CCSER1: variants seen among roughly 807,000 people sequenced by gnomAD.
CCSER1 encodes the protein coiled-coil serine rich protein 1.
In CCSER1, 41 loss-of-function variants were observed where a neutral mutation model predicts 82.0. That is an observed-to-expected ratio of 0.50 (90% CI 0.39 to 0.65). The LOEUF is 0.65. CCSER1 is among the 30% of genes least tolerant of loss of function. CCSER1 has a pLI of 0.00. For synonymous variants in CCSER1, 414 were observed against 383.9 expected, an observed-to-expected ratio of 1.08 and a Z score of -0.92; for missense variants, 1,119 against 1,064.2, an observed-to-expected ratio of 1.05 and a Z score of -0.72.
Position 90,937,252 on chromosome 4 carries a change from G to A in CCSER1, c.2172+13805G>A, listed in dbSNP as rs35908256. 1.6e-4 allele frequency among the ~76,000 whole-genome samples: 25 copies of A among 152,150 alleles called. 1 individual carries two copies. Among genetic ancestry groups the A allele is most frequent in the Admixed American group, 5.2e-4 (8 of 15,254 alleles). On this transcript the variant is annotated intron_variant, in intron 9 of 10. Coordinates refer to ENST00000509176, the MANE Select transcript of CCSER1 (RefSeq NM_001145065.2). ...CAATGTTGCATTTGAGCTGGAACTC[G>A]AGTGATGGGTCACTGTTCACAGAAC...
intron 8 of CCSER1, among the ~76,000 whole-genome samples, chr4:90,913,300 A>G (rs1372492846): frequency 6.6e-6 from 1 of 152,248 alleles, no homozygotes; most frequent in Non-Finnish European, 1.5e-5. Context: ...CTCTCAGCAG[A>G]CACTCTGCAA....
chr4:90,332,594 C>T (rs1739517757), intron 3 of CCSER1, among the ~76,000 whole-genome samples: 1 of 152,096 alleles, frequency 6.6e-6, no homozygotes, highest in Admixed American at 6.6e-5. Flanking sequence ...AAGTAAAGAA[C>T]TCTCATAGGA....
chr4:91,136,253 G>C (rs190633947), intron 10 of CCSER1, among the ~76,000 whole-genome samples: 1 of 152,092 alleles, frequency 6.6e-6, no homozygotes, highest in African/African-American at 2.4e-5. Context: ...TCATACATTT[G>C]CCAGTGTTTT....
chr4:91,188,090 ATATT>A, intron 10 of CCSER1, among the ~76,000 whole-genome samples: 1 of 152,090 alleles, frequency 6.6e-6, no homozygotes, highest in African/African-American at 2.4e-5. Flanking sequence ...ATTATAAATA[ATATT>A]TATAAAAATT....
intron 10 of CCSER1, among the ~76,000 whole-genome samples, chr4:91,562,091 C>T (rs1293148600): frequency 2.0e-5 from 3 of 151,502 alleles, no homozygotes; most frequent in African/African-American, 2.4e-5. Context: ...ATGTGTCAGA[C>T]ATCTAGAAAA....
chr4:91,340,504 T>C (rs1034452461), intron 10 of CCSER1, among the ~76,000 whole-genome samples: 8 of 152,220 alleles, frequency 5.3e-5, no homozygotes, highest in African/African-American at 1.4e-4. Context: ...TGTATGACTA[T>C]TTTGATTTAT....
At chr4:90,439,884 C>G (rs1159634243) in intron 4 of CCSER1, among the ~76,000 whole-genome samples, 1 of 152,136 alleles carries the variant, frequency 6.6e-6, no homozygotes, top group African/African-American at 2.4e-5. Context: ...TTATGTCACC[C>G]TCAAGATCTT....
At chr4:91,249,223 A>G (rs1432804647) in intron 10 of CCSER1, among the ~76,000 whole-genome samples, 1 of 152,108 alleles carries the variant, frequency 6.6e-6, no homozygotes, top group Non-Finnish European at 1.5e-5. Context: ...ATTTTAAGCC[A>G]TTTCTATGTT....
chr4:90,485,111 G>A (rs1264153150), intron 5 of CCSER1, among the ~76,000 whole-genome samples: 1 of 152,214 alleles, frequency 6.6e-6, no homozygotes, highest in Non-Finnish European at 1.5e-5. Context: ...CCACCTTGCA[G>A]TTTGATCTCA....
intron 10 of CCSER1, among the ~76,000 whole-genome samples, chr4:91,313,064 A>G (rs1016957642): frequency 1.3e-5 from 2 of 151,888 alleles, no homozygotes; most frequent in Non-Finnish European, 1.5e-5. Context: ...TTGTTCCATG[A>G]CATTCAAAGA....
At chr4:91,257,358 A>T (rs1028305264) in intron 10 of CCSER1, among the ~76,000 whole-genome samples, 1 of 151,768 alleles carries the variant, frequency 6.6e-6, no homozygotes, top group Admixed American at 6.6e-5. Context: ...ATTAATCCTA[A>T]TTTTTTTTAA....
chr4:91,518,456 C>A (rs1427372269), intron 10 of CCSER1, among the ~76,000 whole-genome samples: 2 of 152,054 alleles, frequency 1.3e-5, no homozygotes, highest in Admixed American at 1.3e-4. Context: ...CTTCTATAGT[C>A]CAAGGGAAGC....
intron 5 of CCSER1, among the ~76,000 whole-genome samples, chr4:90,606,765 T>G (rs971774053): frequency 4.6e-5 from 7 of 152,306 alleles, no homozygotes; most frequent in Middle Eastern, 3.4e-3. Flanking sequence ...ATCAGTGGTA[T>G]ATATACTGTT....
intron 1 of CCSER1, among the ~76,000 whole-genome samples, chr4:90,179,355 C>T (rs998440598): frequency 2.6e-5 from 4 of 152,082 alleles, no homozygotes; most frequent in African/African-American, 9.7e-5. Flanking sequence ...CCTCATGTCT[C>T]CAACATGTGC....
chr4:90,498,400 AAAGAT>A (rs1252293802), intron 5 of CCSER1, among the ~76,000 whole-genome samples: 2 of 152,192 alleles, frequency 1.3e-5, no homozygotes, highest in Non-Finnish European at 2.9e-5. Context: ...AAGCAAAACA[AAAGAT>A]AAGTGTAGAC....
intron 10 of CCSER1, among the ~76,000 whole-genome samples, chr4:91,305,514 T>C (rs879345314): frequency 7.9e-5 from 12 of 152,086 alleles, no homozygotes; most frequent in Non-Finnish European, 1.2e-4. Flanking sequence ...TAAAATGTAA[T>C]CAATATTTTG....
At chr4:90,545,242 C>T (rs903478065) in intron 5 of CCSER1, among the ~76,000 whole-genome samples, 17 of 152,076 alleles carry the variant, frequency 1.1e-4, no homozygotes, top group Middle Eastern at 3.4e-3. Context: ...TTTTACTTCC[C>T]TCATGCATAC....
intron 10 of CCSER1, among the ~76,000 whole-genome samples, chr4:91,544,526 T>A (rs1251889128): frequency 6.6e-6 from 1 of 152,230 alleles, no homozygotes; most frequent in Non-Finnish European, 1.5e-5. Flanking sequence ...GTTTTCCTTC[T>A]AACAGTCAGC....
intron 10 of CCSER1, among the ~76,000 whole-genome samples, chr4:91,126,169 C>T (rs1021102397): frequency 2.0e-5 from 3 of 151,706 alleles, no homozygotes; most frequent in South Asian, 2.1e-4. Flanking sequence ...GTCAATTTAT[C>T]ATTCATAAGT....
Sources: gnomAD v4.1 joint callset for allele counts (sites outside exome capture counted in the v4.1 genomes callset) on GRCh38, gnomAD v4.1.1 for gene constraint, MANE v1.5 for transcripts, NCBI Gene and HGNC (gene_info 2026-07-23, HGNC 2026-07-21) for gene names.